Variants in TECRL observed in about 807,000 individuals in gnomAD.
TECRL encodes the protein trans-2,3-enoyl-CoA reductase like, also known as trans-2,3-enoyl-CoA reductase-like.
TECRL carries 63 observed loss-of-function variants against 52.8 expected under a neutral mutation model. That is an observed-to-expected ratio of 1.19 (90% confidence interval 0.97 to 1.47). The LOEUF (loss-of-function observed/expected upper bound fraction) is 1.47, where lower values mean the gene tolerates loss of function less well. Ranked by LOEUF, TECRL falls within the 40% of genes most tolerant of loss-of-function variation. The pLI is 0.00. For synonymous variants in TECRL, 164 were observed against 141.9 expected (o/e 1.16, Z -1.10); for missense variants, 482 against 429.6 (o/e 1.12, Z -1.08).
intron 4 of TECRL, among the ~76,000 whole-genome samples, chr4:64,319,116 C>A (rs1290870871): frequency 6.6e-6 from 1 of 151,758 alleles, no homozygotes; most frequent in Non-Finnish European, 1.5e-5. Flanking sequence ...ACTCTGTAAT[C>A]TCTTTGGTAA....
At chr4:64,366,890 T>C (rs1721634283) in intron 2 of TECRL, among the ~76,000 whole-genome samples, 1 of 48,384 alleles carries the variant, frequency 2.1e-5, no homozygotes, top group African/African-American at 4.8e-5. Flanking sequence ...TTACTATGTA[T>C]ATGCCTGAAG....
At chr4:64,398,858 A>G (rs947545167) in intron 1 of TECRL, among the ~76,000 whole-genome samples, 1 of 152,160 alleles carries the variant, frequency 6.6e-6, no homozygotes, top group Non-Finnish European at 1.5e-5. Context: ...AATGATACGG[A>G]CAGTGAATTC....
chr4:64,310,578 T>A (rs1431658058), intron 5 of TECRL, among the ~76,000 whole-genome samples: 1 of 152,212 alleles, frequency 6.6e-6, no homozygotes, highest in Admixed American at 6.6e-5. Context: ...GTGATTGATT[T>A]ACAGCAGTAT....
intron 2 of TECRL, among the ~76,000 whole-genome samples, chr4:64,362,056 C>G (rs1297426970): frequency 5.3e-5 from 8 of 152,024 alleles, no homozygotes; most frequent in African/African-American, 1.9e-4. Flanking sequence ...TTTCAAAATG[C>G]AATAGAAAGC....
intron 2 of TECRL, among the ~76,000 whole-genome samples, chr4:64,360,296 T>A (rs1721085566): frequency 6.6e-6 from 1 of 152,136 alleles, no homozygotes. Flanking sequence ...GGCAAATGAA[T>A]CATTATTTTA....
intron 1 of TECRL, among the ~76,000 whole-genome samples, chr4:64,393,086 G>A (rs1034951567): frequency 6.6e-6 from 1 of 151,968 alleles, no homozygotes; most frequent in Non-Finnish European, 1.5e-5. Flanking sequence ...GGAAATAATA[G>A]TGATTGGTTG....
At chr4:64,371,376 TAATAAA>T in intron 2 of TECRL, among the ~76,000 whole-genome samples, 1 of 150,976 alleles carries the variant, frequency 6.6e-6, no homozygotes, top group Non-Finnish European at 1.5e-5. Flanking sequence ...CAAATAATTA[TAATAAA>T]CAATTAAATA....
chr4:64,326,531 A>G (rs965569216), intron 3 of TECRL, among the ~76,000 whole-genome samples: 1 of 152,106 alleles, frequency 6.6e-6, no homozygotes, highest in Non-Finnish European at 1.5e-5. Context: ...GGCTTCAACA[A>G]TTCTTTAGTA....
intron 5 of TECRL, among the ~76,000 whole-genome samples, chr4:64,310,836 C>T (rs1030425409): frequency 7.2e-5 from 11 of 152,146 alleles, no homozygotes; most frequent in African/African-American, 2.7e-4. Context: ...CCTCCCACCT[C>T]AGCTTCCTGA....
intron 3 of TECRL, 83 bp downstream of exon 3, chr4:64,328,429 A>G (rs1262473900): frequency 2.5e-6 from 3 of 1,185,112 alleles, no homozygotes; most frequent in East Asian, 2.4e-5. Context: ...GTATATTTGC[A>G]AAGTGATAAG....
At chr4:64,327,076 A>G (rs1718315822) in intron 3 of TECRL, among the ~76,000 whole-genome samples, 1 of 152,086 alleles carries the variant, frequency 6.6e-6, no homozygotes, top group Non-Finnish European at 1.5e-5. Context: ...TAGTTCTGCC[A>G]TATAAAAGAA....
At chr4:64,286,842 A>G (rs573745074) in intron 9 of TECRL, among the ~76,000 whole-genome samples, 6 of 152,178 alleles carry the variant, frequency 3.9e-5, no homozygotes, top group African/African-American at 7.2e-5. Flanking sequence ...TGATGACACT[A>G]TATTTCGAAT....
chr4:64,281,356 G>C (rs1196715686), intron 10 of TECRL, 118 bp downstream of exon 10: 1 of 661,534 alleles, frequency 1.5e-6, no homozygotes. Context: ...ATGATCTGTG[G>C]ATAAGACCTC....
intron 4 of TECRL, among the ~76,000 whole-genome samples, chr4:64,317,050 G>C (rs1330340480): frequency 1.3e-5 from 2 of 152,064 alleles, no homozygotes. Flanking sequence ...AGGCCGAGGC[G>C]GGCGGATGAC....
At chr4:64,313,488 T>G (rs1161104465) in intron 5 of TECRL, among the ~76,000 whole-genome samples, 1 of 143,324 alleles carries the variant, frequency 7.0e-6, no homozygotes, top group African/African-American at 2.6e-5. Flanking sequence ...TTTTTTTTTT[T>G]TTTTTTTTTT....
intron 1 of TECRL, among the ~76,000 whole-genome samples, chr4:64,390,776 T>C (rs577901772): frequency 6.6e-6 from 1 of 151,954 alleles, no homozygotes; most frequent in East Asian, 1.9e-4. Flanking sequence ...GATTTAAAAT[T>C]GATTTCAAAA....
intron 1 of TECRL, among the ~76,000 whole-genome samples, chr4:64,377,223 AT>A (rs1722467997): frequency 6.6e-6 from 1 of 152,166 alleles, no homozygotes; most frequent in African/African-American, 2.4e-5. Context: ...TTCTGCAGTA[AT>A]TTTGGACAAA....
intron 1 of TECRL, among the ~76,000 whole-genome samples, chr4:64,395,650 A>G (rs1018904181): frequency 6.6e-6 from 1 of 152,148 alleles, no homozygotes; most frequent in African/African-American, 2.4e-5. Context: ...TATAAGAAAA[A>G]TCTTTATCAT....
chr4:64,365,042 G>T (rs1721496623), intron 2 of TECRL, among the ~76,000 whole-genome samples: 1 of 151,666 alleles, frequency 6.6e-6, no homozygotes, highest in African/African-American at 2.4e-5. Flanking sequence ...CAGCACATCA[G>T]AATTGGCCAT....
Sources: gnomAD v4.1 joint callset for allele counts (sites outside exome capture counted in the v4.1 genomes callset) on GRCh38, gnomAD v4.1.1 for gene constraint, MANE v1.5 for transcripts, NCBI Gene and HGNC (gene_info 2026-07-23, HGNC 2026-07-21) for gene names.